Variants in TUSC3 observed in about 807,000 individuals in gnomAD.
TUSC3 encodes dolichyl-diphosphooligosaccharide--protein glycosyltransferase subunit TUSC3.
In TUSC3, 45 loss-of-function variants were observed where a neutral mutation model predicts 44.8. That is an observed-to-expected ratio of 1.00 (90% CI 0.79 to 1.29). TUSC3 has a LOEUF of 1.29. Ranked by LOEUF, TUSC3 falls within the 50% of genes most tolerant of loss-of-function variation. The pLI, the probability that TUSC3 is intolerant of heterozygous loss-of-function variation, is 0.00. For missense variants in TUSC3, 519 were observed against 437.9 expected (o/e 1.19, Z -1.65); for synonymous variants, 212 against 152.9 (o/e 1.39, Z -2.85).
At chr8:15,806,861 A>T in the TUSC3 span, 1 of 1,083,904 alleles carries the variant, frequency 9.2e-7, no homozygotes, top group Non-Finnish European at 1.4e-6. Context: ...CTTCATAGTT[A>T]ATGAAATAAT....
At chr8:15,550,714 C>G (rs1411296522) in intron 1 of TUSC3, among the ~76,000 whole-genome samples, 1 of 151,476 alleles carries the variant, frequency 6.6e-6, no homozygotes, top group Non-Finnish European at 1.5e-5. Flanking sequence ...CACTGTCACC[C>G]AGGTTGGAGT....
rs1276533402 is a variant in TUSC3 at position 15,718,761 on chromosome 8, A to T, written c.799-11905A>T. 5.3e-5 allele frequency among the ~76,000 whole-genome samples: 8 copies of T among 152,154 alleles called. No homozygotes were observed. The East Asian group carries it at 1.5e-3, about 29-fold the overall frequency. On this transcript the variant is annotated intron_variant, in intron 6 of 10. Coordinates refer to ENST00000503731, the MANE Select transcript of TUSC3 (RefSeq NM_006765.4). ...GTTCATATATCCTCAGTTGAACTTA[A>T]ATGGTCTATATTTGTATTACTACAA...
intron 1 of TUSC3, among the ~76,000 whole-genome samples, chr8:15,593,615 A>G (rs1371594638): frequency 6.6e-6 from 1 of 152,176 alleles, no homozygotes; most frequent in Non-Finnish European, 1.5e-5. Flanking sequence ...GATTAATTTA[A>G]TAATACAATT....
At chr8:15,701,576 G>A (rs1369377874) in intron 6 of TUSC3, among the ~76,000 whole-genome samples, 1 of 152,036 alleles carries the variant, frequency 6.6e-6, no homozygotes, top group East Asian at 1.9e-4. Flanking sequence ...TAGAGATGTT[G>A]AATTACCCAC....
chr8:15,448,647 G>A (rs1294152945), intron 1 of TUSC3, among the ~76,000 whole-genome samples: 4 of 152,136 alleles, frequency 2.6e-5, no homozygotes, highest in Non-Finnish European at 5.9e-5. Flanking sequence ...TAATATTGCA[G>A]GATTGGCTAA....
the TUSC3 span, among the ~76,000 whole-genome samples, chr8:15,851,452 T>G: frequency 6.6e-6 from 1 of 152,230 alleles, no homozygotes; most frequent in African/African-American, 2.4e-5. Flanking sequence ...ATTATTTATA[T>G]GCATTACATT....
At chr8:15,793,492 T>C in the TUSC3 span, among the ~76,000 whole-genome samples, 3 of 152,014 alleles carry the variant, frequency 2.0e-5, no homozygotes, top group African/African-American at 4.8e-5. Flanking sequence ...CCTCTCTTCT[T>C]TGTTCCCATG....
At chr8:15,659,747 G>T in intron 4 of TUSC3, 100 bp downstream of exon 4, 1 of 1,496,282 alleles carries the variant, frequency 6.7e-7, no homozygotes, top group Non-Finnish European at 9.2e-7. Context: ...TTTCTCTATG[G>T]TTGTTTCTCC....
At chr8:15,781,956 A>G in the TUSC3 span, among the ~76,000 whole-genome samples, 1 of 152,174 alleles carries the variant, frequency 6.6e-6, no homozygotes, top group Admixed American at 6.5e-5. Flanking sequence ...AAGATGGCAA[A>G]AGCCAGTCTC....
the TUSC3 span, among the ~76,000 whole-genome samples, chr8:15,816,758 C>T: frequency 6.6e-6 from 1 of 152,138 alleles, no homozygotes; most frequent in Admixed American, 6.6e-5. Flanking sequence ...AGAGAAACGG[C>T]ATGTTTTTAC....
chr8:15,777,715 A>G, the TUSC3 span, among the ~76,000 whole-genome samples: 1 of 152,216 alleles, frequency 6.6e-6, no homozygotes, highest in Non-Finnish European at 1.5e-5. Flanking sequence ...AGGCAAAGGT[A>G]AATGCTTAAA....
At chr8:15,503,579 C>T (rs1800999080) in intron 2 of TUSC3, among the ~76,000 whole-genome samples, 1 of 152,152 alleles carries the variant, frequency 6.6e-6, no homozygotes, top group African/African-American at 2.4e-5. Flanking sequence ...TGGCTCACAC[C>T]TGTAGCCCCA....
At chr8:15,588,777 G>A (rs1346854576) in intron 1 of TUSC3, among the ~76,000 whole-genome samples, 1 of 152,102 alleles carries the variant, frequency 6.6e-6, no homozygotes, top group African/African-American at 2.4e-5. Flanking sequence ...TGGATGGATA[G>A]TCAGTTTTCC....
At chr8:15,675,910 T>C (rs1808167708) in intron 6 of TUSC3, among the ~76,000 whole-genome samples, 1 of 152,192 alleles carries the variant, frequency 6.6e-6, no homozygotes, top group Non-Finnish European at 1.5e-5. Context: ...AGTGTATGTG[T>C]CTTTTTTGTA....
At chr8:15,607,638 T>G (rs897051731) in intron 1 of TUSC3, among the ~76,000 whole-genome samples, 44 of 152,128 alleles carry the variant, frequency 2.9e-4, no homozygotes, top group African/African-American at 1.0e-3. Context: ...ATTCCACAAT[T>G]AACAATTGAC....
intron 2 of TUSC3, among the ~76,000 whole-genome samples, chr8:15,505,727 T>G (rs894737648): frequency 3.9e-5 from 6 of 152,250 alleles, no homozygotes; most frequent in Non-Finnish European, 5.9e-5. Context: ...GGAGCACTAC[T>G]TTATAATTGT....
At chr8:15,706,579 C>T (rs1348309278) in intron 6 of TUSC3, among the ~76,000 whole-genome samples, 4 of 151,998 alleles carry the variant, frequency 2.6e-5, no homozygotes, top group Admixed American at 6.6e-5. Flanking sequence ...CTCTGAAATT[C>T]TATTTGCAGG....
At chr8:15,462,437 C>A (rs1039896550) in intron 1 of TUSC3, among the ~76,000 whole-genome samples, 1 of 152,026 alleles carries the variant, frequency 6.6e-6, no homozygotes, top group African/African-American at 2.4e-5. Flanking sequence ...CACTCATAGA[C>A]TAAAGGAATT....
chr8:15,521,210 G>A (rs1323844159), intron 2 of TUSC3, among the ~76,000 whole-genome samples: 1 of 152,128 alleles, frequency 6.6e-6, no homozygotes, highest in East Asian at 1.9e-4. Context: ...GTTTTCCTTG[G>A]TATGTTTCCA....
Sources: gnomAD v4.1 joint callset for allele counts (sites outside exome capture counted in the v4.1 genomes callset) on GRCh38, gnomAD v4.1.1 for gene constraint, MANE v1.5 for transcripts, NCBI Gene and HGNC (gene_info 2026-07-23, HGNC 2026-07-21) for gene names.